PPP1R36: variants seen among roughly 807,000 people sequenced by gnomAD.
PPP1R36 encodes chromosome 14 open reading frame 50.
A neutral mutation model predicts 53.4 loss-of-function variants in PPP1R36; 47 were observed. The ratio of observed to expected loss-of-function variants is 0.88; its 90% CI spans 0.70 to 1.12. The LOEUF is 1.12. Ranked by LOEUF, PPP1R36 falls within the 50% of genes most tolerant of loss-of-function variation. The pLI, the probability that PPP1R36 is intolerant of heterozygous loss-of-function variation, is 0.00. For missense variants in PPP1R36, 456 were observed against 513.9 expected (o/e 0.89, Z 1.09); for synonymous variants, 153 against 170.5 (o/e 0.90, Z 0.80).
intron 7 of PPP1R36, 62 bp downstream of exon 7, chr14:64,568,509 TG>T: frequency 1.4e-6 from 1 of 736,248 alleles, no homozygotes. Flanking sequence ...AAGTAACTTT[TG>T]TCTAGGATAA....
rs1455316500 is a variant in PPP1R36, at chr14:64,574,579, T to A, written c.658T>A (p.Cys220Ser). ...GGCCGTGCCGGATAAGCATCACATG[T>A]GCTGTGGAAAGTAAGCAGATACTTA... The part of the protein sequence containing the change: ...GLAVPDKHHM[C>S]CGKEKISDTQ... Residue 220 changes from cysteine to serine, a missense_variant, in exon 8 of 12, where the codon TGC (cysteine) becomes AGC (serine). Coordinates refer to ENST00000298705, the MANE Select transcript of PPP1R36 (RefSeq NM_172365.3). 20 of 1,612,150 alleles carry A rather than the reference T, an allele frequency of 1.2e-5. No homozygotes were observed. The highest frequency in any genetic ancestry group is 1.4e-5 in the Non-Finnish European group (17 of 1,179,392).
At chr14:64,579,839 G>A (rs1357332022) in intron 8 of PPP1R36, among the ~76,000 whole-genome samples, 5 of 152,078 alleles carry the variant, frequency 3.3e-5, no homozygotes, top group African/African-American at 9.7e-5. Context: ...GCGTGGTGGC[G>A]GGCGCCTGTA....
At chr14:64,587,438 CTT>C in intron 10 of PPP1R36, 66 bp downstream of exon 10, 2 of 245,180 alleles carry the variant, frequency 8.2e-6, no homozygotes, top group African/African-American at 3.6e-5. Context: ...CTTTTCTTTT[CTT>C]TTTTCTCCTT....
At chr14:64,587,763 C>T (rs1426610747) in intron 10 of PPP1R36, among the ~76,000 whole-genome samples, 2 of 151,688 alleles carry the variant, frequency 1.3e-5, no homozygotes, top group African/African-American at 4.8e-5. Flanking sequence ...TGCCCAGCCT[C>T]CTCTTTTTTT....
chr14:64,557,007 T>A (rs2140219438), intron 3 of PPP1R36, among the ~76,000 whole-genome samples: 1 of 144,714 alleles, frequency 6.9e-6, no homozygotes, highest in Middle Eastern at 3.4e-3. Context: ...GCCCAGCTAA[T>A]TTTTCTGTAG....
intron 3 of PPP1R36, among the ~76,000 whole-genome samples, chr14:64,554,028 C>T (rs181644264): frequency 4.0e-5 from 6 of 151,394 alleles, no homozygotes; most frequent in Admixed American, 6.6e-5. Context: ...CATCTACCTG[C>T]TCAGGTAGAG....
At chr14:64,560,332 T>C (rs750981805) in intron 3 of PPP1R36, among the ~76,000 whole-genome samples, 1 of 151,360 alleles carries the variant, frequency 6.6e-6, no homozygotes, top group Non-Finnish European at 1.5e-5. Flanking sequence ...GTCCCAGCTA[T>C]TTGAGAGGCT....
At chr14:64,554,436 C>T (rs1430810156) in intron 3 of PPP1R36, among the ~76,000 whole-genome samples, 1 of 151,044 alleles carries the variant, frequency 6.6e-6, no homozygotes, top group Admixed American at 6.6e-5. Flanking sequence ...CAGGCGTGAG[C>T]CACCACACCT....
At chr14:64,552,169 C>T (rs1032124795) in intron 2 of PPP1R36, among the ~76,000 whole-genome samples, 4 of 151,028 alleles carry the variant, frequency 2.6e-5, no homozygotes, top group Admixed American at 6.6e-5. Context: ...CTGGGATTGC[C>T]CTTCACCCAT....
chr14:64,577,523 C>T (rs1292600989), intron 8 of PPP1R36, among the ~76,000 whole-genome samples: 1 of 152,088 alleles, frequency 6.6e-6, no homozygotes, highest in Admixed American at 6.5e-5. Flanking sequence ...TTTCCTCTCT[C>T]ACAGGGTCAG....
chr14:64,565,268 T>C (rs1013890089), intron 4 of PPP1R36, 89 bp from the exon 5 acceptor site: 8 of 843,770 alleles, frequency 9.5e-6, no homozygotes, highest in Non-Finnish European at 1.3e-5. Flanking sequence ...CTTATTACTT[T>C]TTAATAAATG....
intron 3 of PPP1R36, chr14:64,562,032 AG>A (rs1231734280): frequency 3.1e-6 from 1 of 325,570 alleles, no homozygotes; most frequent in East Asian, 8.0e-5. Context: ...CTTCAAGGCA[AG>A]GGGAATGACA....
At chr14:64,552,278 C>G (rs1332908032) in intron 2 of PPP1R36, among the ~76,000 whole-genome samples, 1 of 151,988 alleles carries the variant, frequency 6.6e-6, no homozygotes, top group Admixed American at 6.6e-5. Context: ...CACCTGAGGT[C>G]GGGAGTTTGA....
chr14:64,581,800 A>G (rs992920198), intron 8 of PPP1R36, among the ~76,000 whole-genome samples: 1 of 152,204 alleles, frequency 6.6e-6, no homozygotes, highest in African/African-American at 2.4e-5. Context: ...GTCTCTTGAG[A>G]AGTAGAAGGA....
At chr14:64,554,142 GTTTTTTTTTTTT>G (rs367753961) in intron 3 of PPP1R36, among the ~76,000 whole-genome samples, 29 of 65,292 alleles carry the variant, frequency 4.4e-4, no homozygotes, top group African/African-American at 1.6e-3. Flanking sequence ...CATCACAATT[GTTTTTTTTTTTT>G]TTTTTTTTTT....
At chr14:64,577,986 A>G (rs1197532570) in intron 8 of PPP1R36, among the ~76,000 whole-genome samples, 1 of 150,016 alleles carries the variant, frequency 6.7e-6, no homozygotes, top group Non-Finnish European at 1.5e-5. Flanking sequence ...CGGCCTCCCA[A>G]AGTGCTGGGA....
intron 6 of PPP1R36, among the ~76,000 whole-genome samples, chr14:64,565,996 G>C (rs2080251180): frequency 6.6e-6 from 1 of 152,186 alleles, no homozygotes; most frequent in African/African-American, 2.4e-5. Flanking sequence ...CTGGCCAGGT[G>C]CGGTGGCTCA....
At chr14:64,584,129 T>C (rs1172625840) in intron 8 of PPP1R36, among the ~76,000 whole-genome samples, 2 of 152,098 alleles carry the variant, frequency 1.3e-5, no homozygotes, top group African/African-American at 4.8e-5. Context: ...CTTGAACTCC[T>C]GACCTCAGGT....
rs1385403146 is a variant in PPP1R36, at chr14:64,587,438, CTTTTT to C, written c.890+68_890+72del. 328 of 245,366 alleles carry C rather than the reference CTTTTT, an allele frequency of 1.3e-3. 4 individuals are homozygous for C. In the East Asian group the frequency reaches 0.02, roughly 15 times the overall value. The allele number at this position is 245,366 out of a possible 1,614,324, so 15.2% of individuals were successfully genotyped here. On this transcript the variant is annotated intron_variant, in intron 10 of 11. Coordinates refer to ENST00000298705, the MANE Select transcript of PPP1R36 (RefSeq NM_172365.3). ...TTCTTCCTTTCCTTTCTTTTCTTTT[CTTTTT>C]TCTCCTTTTTTTTTTTTTTTTTTTT...
Sources: gnomAD v4.1 joint callset for allele counts (sites outside exome capture counted in the v4.1 genomes callset) on GRCh38, gnomAD v4.1.1 for gene constraint, MANE v1.5 for transcripts, NCBI Gene and HGNC (gene_info 2026-07-23, HGNC 2026-07-21) for gene names.